The following ZNHIT6 variants were observed in gnomAD, a reference collection of about 807,000 sequenced individuals.
The protein encoded by ZNHIT6 is zinc finger HIT-type containing 6, also known as box C/D snoRNA protein 1.
ZNHIT6 carries 45 observed loss-of-function variants against 57.2 expected under a neutral mutation model. That is an observed-to-expected ratio of 0.79 (90% CI 0.62 to 1.01). The LOEUF (loss-of-function observed/expected upper bound fraction) is 1.01. Ranked by LOEUF, ZNHIT6 falls within the 50% of genes least tolerant of loss-of-function variation. The pLI is 0.00. For missense variants in ZNHIT6, 528 were observed against 567.3 expected (o/e 0.93, Z 0.70); for synonymous variants, 188 against 190.0 (o/e 0.99, Z 0.09).
At chr1:85,665,594 ATT>A (rs1264989258) in intron 8 of ZNHIT6, among the ~76,000 whole-genome samples, 1 of 152,092 alleles carries the variant, frequency 6.6e-6, no homozygotes, top group Non-Finnish European at 1.5e-5. Flanking sequence ...ATTGTTAATT[ATT>A]TGTTTCTTAA....
In ZNHIT6 at chr1:85,677,372, C is replaced by T. The variant is rs1456656368; in HGVS notation, c.1170-59G>A. 10 of 1,372,570 alleles carry T rather than the reference C, an allele frequency of 7.3e-6. No homozygotes were observed. In the Admixed American group the frequency reaches 2.1e-4, roughly 29 times the overall value. The allele number at this position is 1,372,570 out of a possible 1,614,324, so 85.0% of individuals were successfully genotyped here. A position where few individuals can be genotyped will look rare whatever the true frequency, so the allele number is the denominator to read the frequency against. On this transcript the variant is annotated intron_variant, in intron 7 of 9. Transcript: ENST00000370574. Reference sequence around the variant, plus strand: ...GATTTTTAATATATTTCAAGATAGTCTTATGGAGACTAAGCATTTGTACCT... The same window carrying T: ...GATTTTTAATATATTTCAAGATAGTTTTATGGAGACTAAGCATTTGTACCT...
chr1:85,669,839 C>T (rs545731896), intron 8 of ZNHIT6, among the ~76,000 whole-genome samples: 13 of 152,240 alleles, frequency 8.5e-5, no homozygotes, highest in African/African-American at 3.1e-4. Flanking sequence ...ATTCTTCCCA[C>T]CTAGCTCTTT....
chr1:85,689,898 A>T (rs549506841), intron 5 of ZNHIT6, among the ~76,000 whole-genome samples: 2 of 152,340 alleles, frequency 1.3e-5, no homozygotes, highest in African/African-American at 2.4e-5. Context: ...GCCCCTACTA[A>T]GAAACACTAG....
intron 5 of ZNHIT6, among the ~76,000 whole-genome samples, chr1:85,688,089 T>C (rs1023408302): frequency 7.3e-5 from 11 of 151,506 alleles, no homozygotes; most frequent in Non-Finnish European, 1.5e-4. Context: ...AAACTACCAG[T>C]AAACTGTTTT....
rs76306006 is a variant in ZNHIT6, at chr1:85,704,567, T to C, written c.915+1511A>G. On this transcript the variant is annotated intron_variant, in intron 4 of 9. Coordinates refer to ENST00000370574, the MANE Select transcript of ZNHIT6 (RefSeq NM_017953.4). ...ATAATTATTCATTATACTGTGTATT[T>C]CCATTTTGTGATGTTTAGAAAATAT... Among the ~76,000 whole-genome samples the C allele has an allele frequency of 7.9e-3, 1,209 of 152,288 alleles. 14 individuals carry two copies. The highest frequency in any genetic ancestry group is 0.028 in the African/African-American group (1,163 of 41,568).
chr1:85,695,971 G>T (rs1662357169), intron 5 of ZNHIT6, among the ~76,000 whole-genome samples: 1 of 152,340 alleles, frequency 6.6e-6, no homozygotes, highest in East Asian at 1.9e-4. Flanking sequence ...GGGAGGCAGA[G>T]ATTGCAGTAA....
chr1:85,687,150 C>A (rs6699342), intron 5 of ZNHIT6, among the ~76,000 whole-genome samples: 2 of 151,210 alleles, frequency 1.3e-5, no homozygotes, highest in East Asian at 3.9e-4. Flanking sequence ...ATTGGTGGCG[C>A]TCAACTGTAG....
At chr1:85,681,293 T>C (rs1256378854) in intron 5 of ZNHIT6, among the ~76,000 whole-genome samples, 1 of 152,220 alleles carries the variant, frequency 6.6e-6, no homozygotes, top group Non-Finnish European at 1.5e-5. Flanking sequence ...GGAGATACAC[T>C]TCTGAGGCAT....
chr1:85,692,504 G>A (rs904146538), intron 5 of ZNHIT6, among the ~76,000 whole-genome samples: 1 of 152,042 alleles, frequency 6.6e-6, no homozygotes, highest in South Asian at 2.1e-4. Context: ...CCATATCAAA[G>A]CTATTATGGC....
rs769772424 is a variant in ZNHIT6, at chr1:85,707,984, C to G, written c.301G>C (p.Val101Leu). The G allele has an allele frequency of 2.5e-6, 4 of 1,614,064 alleles. No individual in the cohort carries two copies. In the African/African-American group the frequency reaches 5.3e-5, roughly 22 times the overall value. ...TCCTTCACCTCAGGCCTATCCTCCA[C>G]CTCCTGTTCTACCCACTGGCCAGCC... is the stretch of plus-strand genomic sequence containing the variant. ...RLAGQWVEQE[V>L]EDRPEVKDEN... Residue 101 changes from valine (V) to leucine (L), a missense_variant, in exon 1 of 10, where the codon GTG becomes CTG. Physicochemically the swap from Val to Leu is conservative, Grantham distance 32. Transcript: ENST00000370574.
rs1557825299 is a variant in ZNHIT6 at position 85,651,570 on chromosome 1, TATTTACTATA to T, written c.*2478_*2487del. On this transcript the variant is annotated 3_prime_UTR_variant, in exon 10 of 10. Transcript: ENST00000370574. ...TTATAAAAGGAATAGGTACAAGTTT[TATTTACTATA>T]ATTTATGACTATTAATCCTATATGT... is the stretch of plus-strand genomic sequence containing the variant. The T allele has an allele frequency of 6.6e-6, 1 of 152,210 alleles. No homozygotes were observed. 9.4% of individuals were successfully genotyped at this position (152,210 alleles called of 1,614,324 possible).
chr1:85,690,969 T>C (rs1380659589), intron 5 of ZNHIT6, among the ~76,000 whole-genome samples: 1 of 152,182 alleles, frequency 6.6e-6, no homozygotes, highest in East Asian at 1.9e-4. Flanking sequence ...GAGGGTGCAG[T>C]GAGCCGAGAT....
chr1:85,657,729 G>A (rs1225063253), intron 9 of ZNHIT6, 118 bp downstream of exon 9: 1 of 934,330 alleles, frequency 1.1e-6, no homozygotes, highest in Non-Finnish European at 1.6e-6. Context: ...CTATACAGTA[G>A]ATCCTGTAAG....
intron 8 of ZNHIT6, among the ~76,000 whole-genome samples, chr1:85,665,431 G>A (rs541953139): frequency 1.3e-5 from 2 of 151,848 alleles, no homozygotes; most frequent in Non-Finnish European, 2.9e-5. Flanking sequence ...CCGGCCTCAA[G>A]TTGATATTCT....
At chr1:85,691,277 T>C (rs1378314912) in intron 5 of ZNHIT6, among the ~76,000 whole-genome samples, 1 of 152,268 alleles carries the variant, frequency 6.6e-6, no homozygotes, top group Non-Finnish European at 1.5e-5. Flanking sequence ...ATTAACTATA[T>C]TGTGATTCCT....
Position 85,702,229 on chromosome 1 carries a change from T to C in ZNHIT6, c.947A>G (p.Gln316Arg), listed in dbSNP as rs1191378893. Residue 316 changes from glutamine to arginine, a missense_variant, in exon 5 of 10, where the codon CAA becomes CGA. Coordinates refer to ENST00000370574, the MANE Select transcript of ZNHIT6 (RefSeq NM_017953.4). Reference protein sequence around the residue: ...MYFMKNRARRQGINLKLLPNG... With the variant: ...MYFMKNRARRRGINLKLLPNG... Reference sequence around the variant, plus strand: ...GGGTAGAAGTTTTAAGTTAATACCTTGCCTCCGGGCACGATTTTTCATAAA... The same window carrying C: ...GGGTAGAAGTTTTAAGTTAATACCTCGCCTCCGGGCACGATTTTTCATAAA... 1.2e-6 allele frequency: 2 copies of C among 1,607,644 alleles called. No individual in the cohort carries two copies. The highest frequency in any genetic ancestry group is 2.7e-5 in the African/African-American group (2 of 74,522).
intron 4 of ZNHIT6, among the ~76,000 whole-genome samples, chr1:85,705,371 C>T (rs1483679530): frequency 5.3e-5 from 8 of 152,066 alleles, no homozygotes; most frequent in Non-Finnish European, 7.4e-5. Context: ...CACGCCACCA[C>T]GCCTGGCTAA....
intron 4 of ZNHIT6, among the ~76,000 whole-genome samples, chr1:85,702,585 T>G (rs78029975): frequency 0.024 from 3,722 of 152,240 alleles, 162 homozygotes; most frequent in African/African-American, 0.086. Flanking sequence ...TTAATGGAGA[T>G]TAAACAAACA....
intron 8 of ZNHIT6, among the ~76,000 whole-genome samples, chr1:85,659,536 A>G (rs1661168007): frequency 6.6e-6 from 1 of 152,216 alleles, no homozygotes; most frequent in South Asian, 2.1e-4. Context: ...AAAAAAGCAC[A>G]CTGGAACACA....
Sources: gnomAD v4.1 joint callset for allele counts (sites outside exome capture counted in the v4.1 genomes callset) on GRCh38, gnomAD v4.1.1 for gene constraint, MANE v1.5 for transcripts, NCBI Gene and HGNC (gene_info 2026-07-23, HGNC 2026-07-21) for gene names.